Variants in PTPRG observed in about 807,000 individuals in gnomAD.
PTPRG encodes the protein protein tyrosine phosphatase receptor type G.
A neutral mutation model predicts 165.3 loss-of-function variants in PTPRG; 102 were observed. The ratio of observed to expected loss-of-function variants is 0.62; its 90% CI spans 0.53 to 0.73. The LOEUF is 0.73. PTPRG is among the 30% of genes least tolerant of loss of function. PTPRG has a pLI of 0.00. For synonymous variants in PTPRG, 675 were observed against 669.5 expected, an observed-to-expected ratio of 1.01 and a Z score of -0.13; for missense variants, 1,866 against 1,861.4, an observed-to-expected ratio of 1.00 and a Z score of -0.05.
intron 1 of PTPRG, among the ~76,000 whole-genome samples, chr3:61,608,087 G>T (rs1420845775): frequency 1.3e-5 from 2 of 152,068 alleles, no homozygotes; most frequent in Non-Finnish European, 2.9e-5. Flanking sequence ...TTGTCCTGTG[G>T]GTGGCCAGTT....
intron 2 of PTPRG, among the ~76,000 whole-genome samples, chr3:61,853,642 A>G (rs1052888902): frequency 1.1e-4 from 17 of 152,220 alleles, no homozygotes; most frequent in Non-Finnish European, 1.9e-4. Context: ...TTCCTGACCT[A>G]TAGAGATGGT....
intron 8 of PTPRG, among the ~76,000 whole-genome samples, chr3:62,191,074 T>C (rs572369006): frequency 1.3e-5 from 2 of 152,240 alleles, no homozygotes; most frequent in South Asian, 4.1e-4. Flanking sequence ...CGCATGTGCA[T>C]CTGTGTCCCG....
chr3:61,951,845 C>T (rs1052544330), intron 2 of PTPRG, among the ~76,000 whole-genome samples: 10 of 152,100 alleles, frequency 6.6e-5, no homozygotes, highest in Admixed American at 3.9e-4. Flanking sequence ...ATCGGCCTGG[C>T]GTGGTGGCTC....
intron 2 of PTPRG, among the ~76,000 whole-genome samples, chr3:61,761,734 A>G (rs1425494826): frequency 6.6e-6 from 1 of 152,088 alleles, no homozygotes; most frequent in East Asian, 1.9e-4. Context: ...CAGATTTCCT[A>G]TTTCTGTTGA....
At chr3:61,923,683 A>AT (rs1169399624) in intron 2 of PTPRG, among the ~76,000 whole-genome samples, 3 of 115,158 alleles carry the variant, frequency 2.6e-5, no homozygotes, top group East Asian at 2.4e-4. Context: ...TGTCCAGTTT[A>AT]TTTTTTGTAT....
intron 2 of PTPRG, among the ~76,000 whole-genome samples, chr3:61,781,109 T>A (rs2034532325): frequency 6.6e-6 from 1 of 151,962 alleles, no homozygotes; most frequent in Non-Finnish European, 1.5e-5. Flanking sequence ...TTAAAAGGAG[T>A]TGGATAGGAT....
chr3:62,178,643 T>C (rs1443594548), intron 8 of PTPRG, among the ~76,000 whole-genome samples: 2 of 152,224 alleles, frequency 1.3e-5, no homozygotes, highest in African/African-American at 2.4e-5. Flanking sequence ...CAGGATGCTC[T>C]CAGGCAGAAT....
At chr3:62,277,373 T>C (rs1702264977) in intron 25 of PTPRG, among the ~76,000 whole-genome samples, 178 bp from the exon 26 acceptor site, 1 of 152,164 alleles carries the variant, frequency 6.6e-6, no homozygotes, top group Non-Finnish European at 1.5e-5. Flanking sequence ...GAGAGAAAAT[T>C]GTCTGCACAG....
rs1023356751 is a variant in PTPRG, at chr3:61,850,569, T to G, written c.190+101587T>G. ...AAATGTGTCCTATTTGTACCTTGTTTATGTTAATCTTCTTCAATTTGTATA... is the reference window on the plus strand; with the variant it reads ...AAATGTGTCCTATTTGTACCTTGTTGATGTTAATCTTCTTCAATTTGTATA... On this transcript the variant is annotated intron_variant, in intron 2 of 29. Transcript: ENST00000474889. Among the ~76,000 whole-genome samples the G allele has an allele frequency of 2.6e-5, 4 of 152,234 alleles. No homozygotes were observed. In the East Asian group the frequency reaches 5.8e-4, roughly 22 times the overall value.
intron 10 of PTPRG, 74 bp from the exon 11 acceptor site, chr3:62,201,431 G>T: frequency 8.8e-7 from 1 of 1,140,596 alleles, no homozygotes; most frequent in Non-Finnish European, 1.3e-6. Context: ...ATTCAGATTT[G>T]TGTTCATAAG....
At chr3:61,616,513 A>G (rs1308739113) in intron 1 of PTPRG, among the ~76,000 whole-genome samples, 1 of 152,174 alleles carries the variant, frequency 6.6e-6, no homozygotes, top group Non-Finnish European at 1.5e-5. Flanking sequence ...TACTCAGTCC[A>G]TCCCACTGTG....
intron 1 of PTPRG, among the ~76,000 whole-genome samples, chr3:61,610,562 G>C (rs1701135849): frequency 6.6e-6 from 1 of 152,156 alleles, no homozygotes; most frequent in Non-Finnish European, 1.5e-5. Flanking sequence ...CATAGATTTG[G>C]CTGTACTTAG....
chr3:62,075,076 C>T (rs905032498), intron 4 of PTPRG, among the ~76,000 whole-genome samples: 1 of 152,130 alleles, frequency 6.6e-6, no homozygotes, highest in Admixed American at 6.6e-5. Context: ...TGCTACTGTC[C>T]TTTTTATGAG....
chr3:61,831,056 T>C (rs1397858861), intron 2 of PTPRG, among the ~76,000 whole-genome samples: 1 of 152,218 alleles, frequency 6.6e-6, no homozygotes, highest in Non-Finnish European at 1.5e-5. Flanking sequence ...TATTCTCAAG[T>C]TTTTGAGGAA....
intron 5 of PTPRG, among the ~76,000 whole-genome samples, chr3:62,131,068 C>G (rs549390376): frequency 6.6e-6 from 1 of 152,164 alleles, no homozygotes; most frequent in African/African-American, 2.4e-5. Flanking sequence ...AAGATATAAT[C>G]ACTATTAACT....
chr3:61,623,610 G>T (rs764989258), intron 1 of PTPRG, among the ~76,000 whole-genome samples: 9 of 152,128 alleles, frequency 5.9e-5, no homozygotes, highest in Non-Finnish European at 8.8e-5. Flanking sequence ...ACAGACTAGA[G>T]AATTTGGTTC....
chr3:61,889,417 A>T (rs1424728415), intron 2 of PTPRG, among the ~76,000 whole-genome samples: 2 of 152,226 alleles, frequency 1.3e-5, no homozygotes, highest in Non-Finnish European at 2.9e-5. Context: ...CTTCAAGCTG[A>T]TCATTGTGTT....
At position 62,271,379 on chromosome 3, in the gene PTPRG, A is replaced by C; in HGVS notation, c.3010-4A>C. 6.3e-7 allele frequency: 1 copy of C among 1,585,384 alleles called. No homozygotes were observed. Among genetic ancestry groups the C allele is most frequent in the Non-Finnish European group, 8.6e-7 (1 of 1,168,398 alleles). On this transcript the variant is annotated splice_polypyrimidine_tract_variant and splice_region_variant and intron_variant, in intron 20 of 29. Coordinates refer to ENST00000474889, the MANE Select transcript of PTPRG (RefSeq NM_002841.4). The surrounding 1 kb of genome is among the most constrained non-coding windows in gnomAD (Gnocchi z 4.1). ...AAAGACATCTTTTTTCACTTTTCTCACAGGGTCAGAAGGGAAATCCCAAGG... is the reference window on the plus strand; with the variant it reads ...AAAGACATCTTTTTTCACTTTTCTCCCAGGGTCAGAAGGGAAATCCCAAGG...
intron 4 of PTPRG, among the ~76,000 whole-genome samples, chr3:62,026,089 T>A (rs1004939362): frequency 1.3e-5 from 2 of 152,176 alleles, no homozygotes; most frequent in East Asian, 3.9e-4. Flanking sequence ...TAATCAATGG[T>A]GTAAGTGAGG....
Sources: allele counts gnomAD v4.1 joint callset (sites outside exome capture counted in the v4.1 genomes callset), GRCh38; gene constraint gnomAD v4.1.1; non-coding constraint Gnocchi (gnomAD v3.1); transcripts MANE v1.5; gene names NCBI Gene and HGNC (gene_info 2026-07-23, HGNC 2026-07-21).